Variants in TBC1D5 observed in about 807,000 individuals in gnomAD.
TBC1D5 encodes TBC1 domain family member 5.
In TBC1D5, 75 loss-of-function variants were observed where a neutral mutation model predicts 100.3. That is an observed-to-expected ratio of 0.75 (90% CI 0.62 to 0.91). TBC1D5 has a LOEUF of 0.91. Among genes scored for constraint, TBC1D5 ranks in the 40% least tolerant of loss-of-function variants. The probability of loss-of-function intolerance (pLI) is 0.00; values close to 1 mark genes in which losing one functional copy is unlikely to be tolerated. For missense variants in TBC1D5, 910 were observed against 942.4 expected (o/e 0.97, Z 0.45); for synonymous variants, 323 against 325.6 (o/e 0.99, Z 0.09).
At chr3:17,186,223 A>C (rs571269826) in intron 18 of TBC1D5, among the ~76,000 whole-genome samples, 23 of 152,208 alleles carry the variant, frequency 1.5e-4, no homozygotes, top group African/African-American at 5.3e-4. Context: ...GGAAAAAAAA[A>C]CCTACTAAGG....
chr3:17,727,036 G>A (rs1051149167), intron 1 of TBC1D5, among the ~76,000 whole-genome samples: 4 of 152,070 alleles, frequency 2.6e-5, no homozygotes, highest in East Asian at 1.9e-4. Context: ...TATGTATAAC[G>A]GCTGTGGAAT....
chr3:17,304,420 T>C (rs896457724), intron 14 of TBC1D5, among the ~76,000 whole-genome samples: 1 of 152,178 alleles, frequency 6.6e-6, no homozygotes, highest in Admixed American at 6.5e-5. Flanking sequence ...ATCTTTTTTT[T>C]GTTTAGACAG....
chr3:17,402,840 G>A (rs2093680193), intron 8 of TBC1D5, among the ~76,000 whole-genome samples: 1 of 152,044 alleles, frequency 6.6e-6, no homozygotes. Flanking sequence ...GGATTCAAAT[G>A]CATAAAGCAA....
chr3:17,574,291 T>G (rs924273031), intron 2 of TBC1D5, among the ~76,000 whole-genome samples: 42 of 152,052 alleles, frequency 2.8e-4, no homozygotes, highest in African/African-American at 8.7e-4. Context: ...GAGGGCCTCA[T>G]CTGTTCCCCC....
At chr3:17,236,489 ATT>A (rs754298173) in intron 17 of TBC1D5, among the ~76,000 whole-genome samples, 4 of 144,474 alleles carry the variant, frequency 2.8e-5, no homozygotes, top group Admixed American at 6.9e-5. Context: ...TTTCAACGAG[ATT>A]TTTTTTTTTT....
At chr3:17,736,104 A>G (rs1272964379) in intron 1 of TBC1D5, among the ~76,000 whole-genome samples, 2 of 152,070 alleles carry the variant, frequency 1.3e-5, no homozygotes, top group Non-Finnish European at 2.9e-5. Flanking sequence ...GTTGGGTATG[A>G]GCTGAGTTAC....
At chr3:17,319,147 T>A (rs557042108) in intron 13 of TBC1D5, among the ~76,000 whole-genome samples, 1 of 152,324 alleles carries the variant, frequency 6.6e-6, no homozygotes, top group Admixed American at 6.5e-5. Flanking sequence ...TTATAATATG[T>A]TCATAAATTA....
At chr3:17,276,942 A>C (rs2080082621) in intron 15 of TBC1D5, among the ~76,000 whole-genome samples, 1 of 152,198 alleles carries the variant, frequency 6.6e-6, no homozygotes, top group Non-Finnish European at 1.5e-5. Flanking sequence ...CAACAATGGA[A>C]GGTAAAAGCT....
intron 17 of TBC1D5, among the ~76,000 whole-genome samples, chr3:17,219,528 T>C (rs188475635): frequency 6.6e-6 from 1 of 152,048 alleles, no homozygotes; most frequent in East Asian, 1.9e-4. Flanking sequence ...ACTGGACATT[T>C]TAATAATATG....
At position 17,660,562 on chromosome 3, in the gene TBC1D5, A is replaced by T. The variant is rs536168699; in HGVS notation, c.-100-36649T>A. Among the ~76,000 whole-genome samples, 3 of 152,358 alleles carry T rather than the reference A, an allele frequency of 2.0e-5. No individual in the cohort carries two copies. In the South Asian group the frequency reaches 6.2e-4, roughly 32 times the overall value. On this transcript the variant is annotated intron_variant, in intron 1 of 21. Transcript: ENST00000253692. ...CTGAAGGAAACAACTTTTAGTCTCC[A>T]ATAATGAGAAAAATTCTTGTTTCCC...
At chr3:17,710,962 G>C (rs1251379373) in intron 1 of TBC1D5, among the ~76,000 whole-genome samples, 1 of 152,080 alleles carries the variant, frequency 6.6e-6, no homozygotes, top group Non-Finnish European at 1.5e-5. Context: ...CTCCCAAAGT[G>C]CTAGAATTAC....
At chr3:17,166,184 A>G (rs2066572614) in intron 21 of TBC1D5, among the ~76,000 whole-genome samples, 1 of 152,160 alleles carries the variant, frequency 6.6e-6, no homozygotes, top group African/African-American at 2.4e-5. Flanking sequence ...AAAAACAAAA[A>G]GAAGATACAA....
At chr3:17,553,683 T>A (rs777276564) in intron 2 of TBC1D5, among the ~76,000 whole-genome samples, 23 of 152,190 alleles carry the variant, frequency 1.5e-4, no homozygotes, top group Non-Finnish European at 3.4e-4. Flanking sequence ...ACATTTCCCA[T>A]CAGAAATAGT....
chr3:17,588,734 A>T (rs1323235862), intron 2 of TBC1D5, among the ~76,000 whole-genome samples: 1 of 152,198 alleles, frequency 6.6e-6, no homozygotes, highest in Admixed American at 6.5e-5. Context: ...GCATGAAACC[A>T]ATTTTCAATA....
At chr3:17,706,085 G>A (rs762077350) in intron 1 of TBC1D5, 121 of 1,604,104 alleles carry the variant, frequency 7.5e-5, no homozygotes, top group Admixed American at 3.2e-4. Flanking sequence ...CAGACTGGGC[G>A]GCGGCCTCCA....
At chr3:17,499,073 A>G (rs1307084580) in intron 3 of TBC1D5, among the ~76,000 whole-genome samples, 1 of 151,996 alleles carries the variant, frequency 6.6e-6, no homozygotes, top group East Asian at 1.9e-4. Flanking sequence ...GTAAAGTTTA[A>G]TTTTTTTCTT....
intron 3 of TBC1D5, among the ~76,000 whole-genome samples, chr3:17,499,835 A>T (rs1248354061): frequency 6.7e-6 from 1 of 149,628 alleles, no homozygotes; most frequent in East Asian, 1.9e-4. Context: ...TTAGGTTTTA[A>T]GATAATACTC....
chr3:17,542,406 C>T (rs1335833994), intron 2 of TBC1D5, among the ~76,000 whole-genome samples: 1 of 152,108 alleles, frequency 6.6e-6, no homozygotes, highest in Non-Finnish European at 1.5e-5. Flanking sequence ...TTTATAGAGC[C>T]AGGGTCTGGC....
At chr3:17,312,913 G>C (rs1256256550) in intron 13 of TBC1D5, among the ~76,000 whole-genome samples, 1 of 152,108 alleles carries the variant, frequency 6.6e-6, no homozygotes, top group Non-Finnish European at 1.5e-5. Context: ...ACATGCTTTT[G>C]ATGCTTGAAC....
Sources: allele counts gnomAD v4.1 joint callset (sites outside exome capture counted in the v4.1 genomes callset), GRCh38; gene constraint gnomAD v4.1.1; transcripts MANE v1.5; gene names NCBI Gene and HGNC (gene_info 2026-07-23, HGNC 2026-07-21).